The following ANXA8 variants were observed in gnomAD, a reference collection of about 807,000 sequenced individuals.
ANXA8 encodes the protein annexin A8.
ANXA8 carries 9 observed loss-of-function variants against 26.8 expected under a neutral mutation model. The observed-to-expected ratio is 0.34, with a 90% CI of 0.20 to 0.59. ANXA8 has a LOEUF of 0.59. ANXA8 is among the 20% of genes least tolerant of loss of function. The pLI, the probability that ANXA8 is intolerant of heterozygous loss-of-function variation, is 0.84. For missense variants in ANXA8, 83 were observed against 238.5 expected (o/e 0.35, Z 4.29); for synonymous variants, 39 against 94.8 (o/e 0.41, Z 3.42).
the ANXA8 span, among the ~76,000 whole-genome samples, chr10:47,928,797 C>T: frequency 8.1e-6 from 1 of 123,062 alleles, no homozygotes; most frequent in Non-Finnish European, 1.7e-5. Context: ...GCTCTGTCAC[C>T]CAGGCTGGAA....
At chr10:47,974,062 T>C in the ANXA8 span, among the ~76,000 whole-genome samples, 1 of 150,836 alleles carries the variant, frequency 6.6e-6, no homozygotes, top group South Asian at 2.1e-4. Context: ...GTGCATAGAA[T>C]TACTCACAGT....
At chr10:47,503,936 TCAAAAAA>T in the ANXA8 span, among the ~76,000 whole-genome samples, 25 of 12,902 alleles carry the variant, frequency 1.9e-3, no homozygotes, top group East Asian at 0.01. Context: ...AGAGAGTCCA[TCAAAAAA>T]AAAAAAAAAA....
the ANXA8 span, among the ~76,000 whole-genome samples, chr10:47,745,870 G>A: frequency 6.8e-4 from 102 of 150,896 alleles, no homozygotes; most frequent in Non-Finnish European, 1.2e-3. Flanking sequence ...GCTATGTGAC[G>A]TGCTTTGGCC....
At chr10:47,585,177 C>T in the ANXA8 span, among the ~76,000 whole-genome samples, 251 of 118,552 alleles carry the variant, frequency 2.1e-3, 3 homozygotes, top group African/African-American at 6.8e-3. Flanking sequence ...GCAGGGACAA[C>T]GGCTCAAACC....
At chr10:47,501,658 G>A in the ANXA8 span, among the ~76,000 whole-genome samples, 1 of 140,844 alleles carries the variant, frequency 7.1e-6, no homozygotes, top group Non-Finnish European at 1.5e-5. Flanking sequence ...GCAGTGAGCA[G>A]ATATCATGCC....
chr10:47,684,515 G>A, the ANXA8 span, among the ~76,000 whole-genome samples: 1 of 151,980 alleles, frequency 6.6e-6, no homozygotes, highest in African/African-American at 2.4e-5. Context: ...CTGTGGGGCT[G>A]CATGTGGTCC....
At chr10:47,498,441 T>A in the ANXA8 span, among the ~76,000 whole-genome samples, 1 of 142,504 alleles carries the variant, frequency 7.0e-6, no homozygotes, top group Admixed American at 7.1e-5. Context: ...CGAGTGTGAA[T>A]ACCACTGCTA....
the ANXA8 span, among the ~76,000 whole-genome samples, chr10:47,891,512 CA>C: frequency 1.7e-5 from 1 of 57,662 alleles, no homozygotes; most frequent in Non-Finnish European, 3.4e-5. Context: ...TTTGGGAGGC[CA>C]AAGCAGGCGG....
At chr10:47,470,205 T>C (rs1186044043) in intron 11 of ANXA8, among the ~76,000 whole-genome samples, 1 of 151,892 alleles carries the variant, frequency 6.6e-6, no homozygotes, top group Non-Finnish European at 1.5e-5. Context: ...TGAAAACCAT[T>C]TTTGCTTTAA....
chr10:47,986,736 C>T, the ANXA8 span: 1 of 353,182 alleles, frequency 2.8e-6, no homozygotes, highest in Non-Finnish European at 5.6e-6. Flanking sequence ...CCGGCAAGGC[C>T]CCGCGCGCCC....
chr10:47,549,906 A>G, the ANXA8 span, among the ~76,000 whole-genome samples: 2 of 143,106 alleles, frequency 1.4e-5, no homozygotes, highest in African/African-American at 5.5e-5. Flanking sequence ...GAGTTTTGAG[A>G]TCAGCCTGGG....
the ANXA8 span, among the ~76,000 whole-genome samples, chr10:47,743,378 A>ATATATGTGTG: frequency 2.5e-4 from 15 of 59,764 alleles, no homozygotes; most frequent in African/African-American, 7.8e-4. Context: ...ATACATATAT[A>ATATATGTGTG]TGTGTGTGTG....
the ANXA8 span, among the ~76,000 whole-genome samples, chr10:47,627,522 A>G: frequency 6.7e-6 from 1 of 150,040 alleles, no homozygotes; most frequent in African/African-American, 2.5e-5. Context: ...GGTGTGATAA[A>G]ATCACCTTTT....
At chr10:47,733,233 C>CTTTCTT in the ANXA8 span, among the ~76,000 whole-genome samples, 2 of 59,688 alleles carry the variant, frequency 3.4e-5, no homozygotes, top group African/African-American at 6.3e-5. Flanking sequence ...CTTTCTTTCT[C>CTTTCTT]TCTTTCTTTC....
the ANXA8 span, chr10:47,696,272 G>T: frequency 2.5e-6 from 1 of 405,298 alleles, no homozygotes; most frequent in Non-Finnish European, 4.4e-6. Context: ...CCTTAGGCAG[G>T]TTATTTAACC....
chr10:47,674,142 CT>C, the ANXA8 span, among the ~76,000 whole-genome samples: 1 of 149,956 alleles, frequency 6.7e-6, no homozygotes, highest in African/African-American at 2.5e-5. Context: ...ATTTGCTTTC[CT>C]TTTTTTGAGA....
At chr10:47,915,080 C>T in the ANXA8 span, among the ~76,000 whole-genome samples, 12 of 152,150 alleles carry the variant, frequency 7.9e-5, no homozygotes, top group Admixed American at 1.3e-4. Flanking sequence ...GGACAGCTTC[C>T]GGGAGCTAGC....
At chr10:47,591,677 A>T in the ANXA8 span, among the ~76,000 whole-genome samples, 1 of 139,520 alleles carries the variant, frequency 7.2e-6, no homozygotes, top group Non-Finnish European at 1.5e-5. Flanking sequence ...CGATCTCCTG[A>T]CCTCATGATC....
At chr10:47,976,655 T>C in the ANXA8 span, among the ~76,000 whole-genome samples, 2 of 148,390 alleles carry the variant, frequency 1.3e-5, no homozygotes, top group Non-Finnish European at 3.0e-5. Context: ...TTTAGAGCTC[T>C]CCAAAAATCC....
Sources: allele counts gnomAD v4.1 joint callset (sites outside exome capture counted in the v4.1 genomes callset), GRCh38; gene constraint gnomAD v4.1.1; transcripts MANE v1.5; gene names NCBI Gene and HGNC (gene_info 2026-07-23, HGNC 2026-07-21).